Variants in SSBP3 observed in about 807,000 individuals in gnomAD.
SSBP3 encodes single-stranded DNA-binding protein 3.
In SSBP3, 5 loss-of-function variants were observed where a neutral mutation model predicts 69.6. The ratio of observed to expected loss-of-function variants is 0.07; its 90% CI spans 0.04 to 0.15. The LOEUF is 0.15. Among genes scored for constraint, SSBP3 ranks in the 10% least tolerant of loss-of-function variants. SSBP3 has a pLI of 1.00. For missense variants in SSBP3, 312 were observed against 534.0 expected, an observed-to-expected ratio of 0.58 and a Z score of 4.10; for synonymous variants, 196 against 193.4, an observed-to-expected ratio of 1.01 and a Z score of -0.11.
intron 4 of SSBP3, among the ~76,000 whole-genome samples, chr1:54,339,785 C>T (rs1646574531): frequency 6.6e-6 from 1 of 151,998 alleles, no homozygotes; most frequent in African/African-American, 2.4e-5. Flanking sequence ...TGTTGGCGGG[C>T]GCCTGTAATT....
chr1:54,382,472 T>C (rs367859033), intron 4 of SSBP3, among the ~76,000 whole-genome samples: 47 of 152,168 alleles, frequency 3.1e-4, no homozygotes, highest in Non-Finnish European at 4.3e-4. Flanking sequence ...TTTGCTTCCG[T>C]AGCCAAACGG....
upstream of SSBP3, among the ~76,000 whole-genome samples, chr1:54,406,916 C>T (rs1209957926): frequency 6.6e-6 from 1 of 151,302 alleles, no homozygotes; most frequent in Non-Finnish European, 1.5e-5. Flanking sequence ...TCCCCCTAGG[C>T]TCCGACCCCG....
chr1:54,291,158 T>C (rs1391488677), intron 4 of SSBP3, among the ~76,000 whole-genome samples: 1 of 35,132 alleles, frequency 2.8e-5, no homozygotes, highest in Non-Finnish European at 8.5e-5. Context: ...TCTAGAAACT[T>C]TTTTTTTTTA....
intron 4 of SSBP3, among the ~76,000 whole-genome samples, chr1:54,391,937 G>A (rs1397157553): frequency 1.3e-5 from 2 of 152,124 alleles, no homozygotes; most frequent in African/African-American, 4.8e-5. Flanking sequence ...CCAGCCAGCA[G>A]GGACAGGCTG....
chr1:54,258,063 G>A lies in SSBP3; in HGVS notation c.447+6C>T, dbSNP rs1336319171. 11 of 1,587,014 alleles carry A rather than the reference G, an allele frequency of 6.9e-6. No individual in the cohort carries two copies. The highest frequency in any genetic ancestry group is 5.5e-5 in the Admixed American group (3 of 54,504). ...CCGGCGGGCGGGAGCGCCACGGTGC[G>A]TTTACCTGACTGTGGGGTCCCATCA... On this transcript the variant is annotated splice_donor_region_variant and intron_variant, in intron 6 of 17. Transcript: ENST00000610401. This position sits in a 1 kb window ranked among gnomAD's most constrained non-coding sequence, Gnocchi z 4.5.
intron 4 of SSBP3, among the ~76,000 whole-genome samples, chr1:54,332,619 T>G (rs909526405): frequency 6.6e-6 from 1 of 152,172 alleles, no homozygotes; most frequent in Non-Finnish European, 1.5e-5. Flanking sequence ...CACCTTCCTG[T>G]GCCTCCACTC....
At chr1:54,226,048 G>C (rs981725116) in exon 18 of SSBP3, 4 of 152,260 alleles carry the variant, frequency 2.6e-5, no homozygotes, top group Non-Finnish European at 4.4e-5. Flanking sequence ...GCTGATGCGA[G>C]GATCTCGGGA....
intron 1 of SSBP3, chr1:54,413,192 C>G (rs1650036611): frequency 6.6e-6 from 1 of 152,232 alleles, no homozygotes; most frequent in South Asian, 2.1e-4. Context: ...CTGGTTTTCC[C>G]TCTTCCTCTC....
intron 5 of SSBP3, among the ~76,000 whole-genome samples, chr1:54,264,667 G>A (rs1397739167): frequency 1.3e-5 from 2 of 152,212 alleles, no homozygotes; most frequent in Non-Finnish European, 2.9e-5. Context: ...TATAGGCTAT[G>A]ATTCTCTCAC....
chr1:54,252,687 G>A (rs1003489447), intron 7 of SSBP3, among the ~76,000 whole-genome samples: 2 of 152,216 alleles, frequency 1.3e-5, no homozygotes, highest in Non-Finnish European at 2.9e-5. Context: ...TGCCCCACCC[G>A]CTGTGAAACC....
At chr1:54,371,235 G>A (rs553623056) in intron 4 of SSBP3, among the ~76,000 whole-genome samples, 15 of 152,346 alleles carry the variant, frequency 9.8e-5, no homozygotes, top group African/African-American at 3.1e-4. Context: ...ACAAGACTAA[G>A]TTGCTCAGAG....
chr1:54,328,870 G>A (rs2100434322), intron 4 of SSBP3, among the ~76,000 whole-genome samples: 1 of 152,314 alleles, frequency 6.6e-6, no homozygotes, highest in Non-Finnish European at 1.5e-5. Context: ...AACGCACCAG[G>A]CCCTACTTCC....
intron 4 of SSBP3, among the ~76,000 whole-genome samples, chr1:54,383,388 AAAAAAAAGAAAG>A (rs1647829198): frequency 6.6e-6 from 1 of 152,140 alleles, no homozygotes; most frequent in African/African-American, 2.4e-5. Context: ...TAAAAGGAAA[AAAAAAAAGAAAG>A]AAAAAAGAAA....
chr1:54,294,099 C>T (rs539620618), intron 4 of SSBP3, among the ~76,000 whole-genome samples: 6 of 133,226 alleles, frequency 4.5e-5, no homozygotes, highest in Non-Finnish European at 7.6e-5. Flanking sequence ...GCCGAGATCA[C>T]GCCACTGCAC....
At chr1:54,274,207 C>T (rs1410756150) in intron 5 of SSBP3, among the ~76,000 whole-genome samples, 1 of 152,180 alleles carries the variant, frequency 6.6e-6, no homozygotes, top group African/African-American at 2.4e-5. Context: ...AGGCAGTTAT[C>T]AAGAAGCTGC....
intron 14 of SSBP3, 194 bp downstream of exon 14, chr1:54,238,935 C>G: frequency 1.1e-5 from 4 of 376,656 alleles, no homozygotes; most frequent in East Asian, 7.5e-5. Flanking sequence ...CCCACCCCTT[C>G]CTCTCCCACC....
chr1:54,390,423 G>A (rs1648401370), intron 4 of SSBP3, among the ~76,000 whole-genome samples: 4 of 152,128 alleles, frequency 2.6e-5, no homozygotes. Context: ...AGAAGACGCT[G>A]CCAGCAAAAT....
rs191260519 is a variant in SSBP3 at position 54,251,707 on chromosome 1, A to C, written c.575-15T>G. ...GTTGGGGTGGCCTGCGTGAGAGAGGAGGCGCGTCATGGGATGGCAGGAGTG... is the reference window on the plus strand; with the variant it reads ...GTTGGGGTGGCCTGCGTGAGAGAGGCGGCGCGTCATGGGATGGCAGGAGTG... On this transcript the variant is annotated splice_polypyrimidine_tract_variant and intron_variant, in intron 8 of 17. Transcript: ENST00000610401. 8.7e-3 allele frequency: 13,607 copies of C among 1,568,208 alleles called. 91 individuals are homozygous for C. Among genetic ancestry groups the C allele is most frequent in the South Asian group, 0.018 (1,548 of 86,102 alleles).
At chr1:54,348,361 A>G (rs1175913947) in intron 4 of SSBP3, among the ~76,000 whole-genome samples, 1 of 152,072 alleles carries the variant, frequency 6.6e-6, no homozygotes, top group African/African-American at 2.4e-5. Context: ...CACACAAGCA[A>G]CAACAGGAAG....
Sources: allele counts gnomAD v4.1 joint callset (sites outside exome capture counted in the v4.1 genomes callset), GRCh38; gene constraint gnomAD v4.1.1; non-coding constraint Gnocchi (gnomAD v3.1); transcripts MANE v1.5; gene names NCBI Gene and HGNC (gene_info 2026-07-23, HGNC 2026-07-21).